The following SCTR variants were observed in gnomAD, a reference collection of about 807,000 sequenced individuals.
SCTR encodes the protein pancreatic secretin receptor.
In SCTR, 56 loss-of-function variants were observed where a neutral mutation model predicts 60.8. That is an observed-to-expected ratio of 0.92 (90% CI 0.74 to 1.15). The LOEUF is 1.15. SCTR is among the 50% of genes most tolerant of loss of function. SCTR has a pLI of 0.00. For synonymous variants in SCTR, 202 were observed against 217.0 expected (o/e 0.93, Z 0.61); for missense variants, 562 against 550.4 (o/e 1.02, Z -0.21).
chr2:119,440,319 T>C (rs1682608760), intron 12 of SCTR, 62 bp from the exon 13 acceptor site: 2 of 1,559,822 alleles, frequency 1.3e-6, no homozygotes, highest in Non-Finnish European at 8.7e-7. Flanking sequence ...GGAGCCCTGC[T>C]CACTCCCCCA....
chr2:119,516,682 G>A (rs1022265574), intron 1 of SCTR, among the ~76,000 whole-genome samples: 2 of 152,086 alleles, frequency 1.3e-5, no homozygotes, highest in Non-Finnish European at 2.9e-5. Context: ...GTATCGGGCC[G>A]GGTGTGGTGG....
At chr2:119,522,148 T>C (rs1439169848) in intron 1 of SCTR, among the ~76,000 whole-genome samples, 1 of 151,978 alleles carries the variant, frequency 6.6e-6, no homozygotes, top group Non-Finnish European at 1.5e-5. Context: ...TACAAAAAAT[T>C]GGCCGAGCAT....
chr2:119,522,138 T>G (rs1679306254), intron 1 of SCTR, among the ~76,000 whole-genome samples: 1 of 151,796 alleles, frequency 6.6e-6, no homozygotes, highest in South Asian at 2.1e-4. Flanking sequence ...CTACTAAAAA[T>G]ACAAAAAATT....
At position 119,469,579 on chromosome 2, in the gene SCTR, C is replaced by T. The variant is rs1329457909; in HGVS notation, c.406-3693G>A. On this transcript the variant is annotated intron_variant, in intron 4 of 12. Transcript: ENST00000019103. ...GATCATGGCTCACTACAGCCTCAACCTCCCAGGCTCAAGCAATCTTCCTGC... is the reference window on the plus strand; with the variant it reads ...GATCATGGCTCACTACAGCCTCAACTTCCCAGGCTCAAGCAATCTTCCTGC... Among the ~76,000 whole-genome samples the T allele has an allele frequency of 2.0e-5, 3 of 152,188 alleles. No individual in the cohort carries two copies. The East Asian group carries it at 5.8e-4, about 29-fold the overall frequency.
At chr2:119,473,107 G>A (rs1055941117) in intron 4 of SCTR, among the ~76,000 whole-genome samples, 5 of 152,200 alleles carry the variant, frequency 3.3e-5, no homozygotes, top group African/African-American at 4.8e-5. Context: ...GGTCAAGGTC[G>A]GAATTCAGAC....
rs374106753 is a variant in SCTR at position 119,494,523 on chromosome 2, T to A, written c.98A>T (p.Asp33Val). Residue 33 changes from aspartate to valine, a missense_variant, in exon 2 of 13, where the codon GAC becomes GTC. Transcript: ENST00000019103. ...HSTGALPRLC[D>V]VLQVLWEEQD... ...CTCTTCCCACAGCACTTGTAGCACG[T>A]CACATAGTCGGGGAAGGGCTCCAGT... is the stretch of plus-strand genomic sequence containing the variant. 5.6e-6 allele frequency: 9 copies of A among 1,614,032 alleles called. No homozygotes were observed. The highest frequency in any genetic ancestry group is 7.6e-6 in the Non-Finnish European group (9 of 1,179,952).
In SCTR at chr2:119,444,059, G is replaced by A. The variant is rs145904598; in HGVS notation, c.1141-2460C>T. Among the ~76,000 whole-genome samples the A allele has an allele frequency of 9.9e-3, 1,497 of 151,640 alleles. 25 individuals carry two copies. The highest frequency in any genetic ancestry group is 0.015 in the Non-Finnish European group (990 of 67,934). On this transcript the variant is annotated intron_variant, in intron 11 of 12. Coordinates refer to ENST00000019103, the MANE Select transcript of SCTR (RefSeq NM_002980.3). Reference sequence around the variant, plus strand: ...TGGATACCGCTGAGGCTGGGGATAGGTAATGGGGTTCATTGTCCTATTCTC... The same window carrying A: ...TGGATACCGCTGAGGCTGGGGATAGATAATGGGGTTCATTGTCCTATTCTC...
At chr2:119,441,433 G>T in intron 12 of SCTR, 125 bp downstream of exon 12, 1 of 738,706 alleles carries the variant, frequency 1.4e-6, no homozygotes, top group South Asian at 1.6e-5. Context: ...CCTGCCACCA[G>T]ACCCAGGACT....
chr2:119,508,393 T>C (rs1437233132), intron 1 of SCTR, among the ~76,000 whole-genome samples: 7 of 136,634 alleles, frequency 5.1e-5, no homozygotes, highest in Admixed American at 7.4e-5. Context: ...CTTTTTTTTT[T>C]TTTTTTTTTT....
chr2:119,452,416 T>C (rs1167365860), intron 8 of SCTR, among the ~76,000 whole-genome samples: 1 of 152,028 alleles, frequency 6.6e-6, no homozygotes, highest in East Asian at 1.9e-4. Context: ...GTAAGAGAAG[T>C]GGTGGATGGC....
intron 8 of SCTR, among the ~76,000 whole-genome samples, chr2:119,452,397 A>G (rs775414014): frequency 6.6e-6 from 1 of 152,186 alleles, no homozygotes; most frequent in Admixed American, 6.5e-5. Flanking sequence ...AGCCAGGAAG[A>G]TGACATCAGT....
intron 11 of SCTR, 107 bp from the exon 12 acceptor site, chr2:119,441,706 C>T: frequency 1.1e-6 from 1 of 924,766 alleles, no homozygotes; most frequent in Non-Finnish European, 1.7e-6. Context: ...CAGCTACAGG[C>T]TCATTTCCCC....
At chr2:119,505,517 T>C (rs961649457) in intron 1 of SCTR, among the ~76,000 whole-genome samples, 1 of 151,728 alleles carries the variant, frequency 6.6e-6, no homozygotes, top group Non-Finnish European at 1.5e-5. Flanking sequence ...CATGGAATAC[T>C]ATGCAGCCAT....
At chr2:119,448,606 TAGCTAGCACC>T in intron 10 of SCTR, 73 bp downstream of exon 10, 1 of 808,754 alleles carries the variant, frequency 1.2e-6, no homozygotes. Context: ...CCGTCTCCAA[TAGCTAGCACC>T]AGTTAAGTAA....
At chr2:119,501,816 C>T (rs1678562061) in intron 1 of SCTR, among the ~76,000 whole-genome samples, 1 of 152,082 alleles carries the variant, frequency 6.6e-6, no homozygotes, top group African/African-American at 2.4e-5. Flanking sequence ...GATAACATGA[C>T]TGTCTACATA....
chr2:119,443,349 A>G (rs185810669), intron 11 of SCTR, among the ~76,000 whole-genome samples: 10 of 152,234 alleles, frequency 6.6e-5, no homozygotes, highest in African/African-American at 2.2e-4. Context: ...CATACACATC[A>G]TGATCCCAAT....
chr2:119,514,739 G>T (rs140874222), intron 1 of SCTR, among the ~76,000 whole-genome samples: 1 of 152,084 alleles, frequency 6.6e-6, no homozygotes, highest in African/African-American at 2.4e-5. Context: ...TCAGCCAAGC[G>T]TGGTGGCGCA....
chr2:119,495,065 G>C (rs994077519), intron 1 of SCTR, among the ~76,000 whole-genome samples: 2 of 152,058 alleles, frequency 1.3e-5, no homozygotes, highest in African/African-American at 4.8e-5. Context: ...GCTCCCAGCA[G>C]CTAGGACTAC....
chr2:119,459,726 T>C (rs1683524266), intron 7 of SCTR, among the ~76,000 whole-genome samples: 1 of 152,208 alleles, frequency 6.6e-6, no homozygotes, highest in Non-Finnish European at 1.5e-5. Flanking sequence ...AGGTTCTTAT[T>C]ATTTCATTCC....
Sources: gnomAD v4.1 joint callset for allele counts (sites outside exome capture counted in the v4.1 genomes callset) on GRCh38, gnomAD v4.1.1 for gene constraint, MANE v1.5 for transcripts, NCBI Gene and HGNC (gene_info 2026-07-23, HGNC 2026-07-21) for gene names.